The following SLX4IP variants were observed in gnomAD, a reference collection of about 807,000 sequenced individuals.
SLX4IP encodes the protein SLX4 interacting protein.
SLX4IP carries 34 observed loss-of-function variants against 32.9 expected under a neutral mutation model. That is an observed-to-expected ratio of 1.03 (90% CI 0.79 to 1.38). The LOEUF is 1.38. Among genes scored for constraint, SLX4IP ranks in the 40% most tolerant of loss-of-function variants. The pLI, the probability that SLX4IP is intolerant of heterozygous loss-of-function variation, is 0.00. For missense variants in SLX4IP, 444 were observed against 479.0 expected (o/e 0.93, Z 0.68); for synonymous variants, 172 against 171.7 (o/e 1.00, Z -0.01).
chr20:10,550,108 T>G (rs1257611389), intron 2 of SLX4IP, among the ~76,000 whole-genome samples: 1 of 152,192 alleles, frequency 6.6e-6, no homozygotes, highest in African/African-American at 2.4e-5. Context: ...ATTGGTGCTG[T>G]ATTTTTCACA....
intron 2 of SLX4IP, among the ~76,000 whole-genome samples, chr20:10,512,564 T>A (rs956926206): frequency 1.4e-5 from 2 of 144,314 alleles, no homozygotes; most frequent in African/African-American, 5.0e-5. Flanking sequence ...CTGTCTAATT[T>A]TATATATATA....
intron 2 of SLX4IP, among the ~76,000 whole-genome samples, chr20:10,461,929 C>A (rs936710148): frequency 6.6e-6 from 1 of 152,120 alleles, no homozygotes; most frequent in Admixed American, 6.5e-5. Flanking sequence ...AGGCATGCAC[C>A]ACCACTCTCG....
intron 2 of SLX4IP, among the ~76,000 whole-genome samples, chr20:10,525,489 T>C (rs1293733478): frequency 1.3e-5 from 2 of 152,200 alleles, no homozygotes; most frequent in African/African-American, 4.8e-5. Flanking sequence ...ATTATAATTA[T>C]ATAAGTATTT....
chr20:10,594,207 G>T (rs2066744215), intron 4 of SLX4IP, among the ~76,000 whole-genome samples: 1 of 152,310 alleles, frequency 6.6e-6, no homozygotes, highest in South Asian at 2.1e-4. Flanking sequence ...TGTTTGAAAT[G>T]TTTCAGACTG....
intron 4 of SLX4IP, among the ~76,000 whole-genome samples, chr20:10,566,217 A>G (rs1382141956): frequency 2.0e-5 from 3 of 146,784 alleles, no homozygotes; most frequent in Admixed American, 2.0e-4. Context: ...TCCTGCCTTG[A>G]TGAGATTGCC....
intron 2 of SLX4IP, among the ~76,000 whole-genome samples, chr20:10,486,252 A>G (rs547389093): frequency 5.9e-4 from 90 of 151,872 alleles, no homozygotes; most frequent in African/African-American, 2.2e-3. Flanking sequence ...TTTATTTGAA[A>G]CATTCAGGCT....
rs1365316216 is a variant in SLX4IP, at chr20:10,626,578, T to C, written c.*3199T>C. ...CACTTCCATGTGCTTTCAGATGGCA[T>C]CTTAATAGATTGGTGTTGAGGTTAT... is the stretch of plus-strand genomic sequence containing the variant. On this transcript the variant is annotated 3_prime_UTR_variant, in exon 8 of 8. Transcript: ENST00000334534. 6.6e-6 allele frequency: 1 copy of C among 152,210 alleles called. No individual in the cohort carries two copies. The highest frequency in any genetic ancestry group is 2.4e-5 in the African/African-American group (1 of 41,450). The allele number at this position is 152,210 out of a possible 1,614,324, so 9.4% of individuals were successfully genotyped here. A position where few individuals can be genotyped will look rare whatever the true frequency, so the allele number is the denominator to read the frequency against.
intron 1 of SLX4IP, among the ~76,000 whole-genome samples, chr20:10,437,148 C>G (rs1020237608): frequency 8.6e-5 from 13 of 151,942 alleles, no homozygotes; most frequent in Non-Finnish European, 1.9e-4. Flanking sequence ...TTTTTTGAGA[C>G]AGGGTATAAC....
At chr20:10,617,258 C>A (rs1050148337) in intron 6 of SLX4IP, among the ~76,000 whole-genome samples, 1 of 152,194 alleles carries the variant, frequency 6.6e-6, no homozygotes, top group African/African-American at 2.4e-5. Context: ...GTTTTTGAAT[C>A]ACCTGGGAAC....
At chr20:10,613,735 T>C in intron 6 of SLX4IP, 3 of 1,613,342 alleles carry the variant, frequency 1.9e-6, no homozygotes, top group Non-Finnish European at 2.5e-6. Context: ...TGCTGAATGA[T>C]ATTCCTTATC....
chr20:10,451,027 C>T (rs562027022), intron 1 of SLX4IP, among the ~76,000 whole-genome samples: 26 of 152,236 alleles, frequency 1.7e-4, no homozygotes, highest in African/African-American at 5.5e-4. Flanking sequence ...GCTGGGATTA[C>T]AGGCGTGAGC....
At chr20:10,535,518 C>T (rs938115345) in intron 2 of SLX4IP, among the ~76,000 whole-genome samples, 2 of 152,182 alleles carry the variant, frequency 1.3e-5, no homozygotes, top group African/African-American at 4.8e-5. Flanking sequence ...GATGGGGTTT[C>T]GCCGTGTTGG....
intron 1 of SLX4IP, among the ~76,000 whole-genome samples, chr20:10,452,680 A>AATATATATATATAT (rs1280513421): frequency 9.1e-6 from 1 of 109,518 alleles, no homozygotes; most frequent in African/African-American, 3.5e-5. Flanking sequence ...AAAAAAAAAA[A>AATATATATATATAT]ATATATATAT....
At chr20:10,507,789 C>T (rs2065771741) in intron 2 of SLX4IP, among the ~76,000 whole-genome samples, 2 of 151,590 alleles carry the variant, frequency 1.3e-5, no homozygotes, top group South Asian at 4.2e-4. Flanking sequence ...CACTTTATGC[C>T]AACCACCCAG....
chr20:10,592,300 A>G (rs1398562490), intron 4 of SLX4IP, among the ~76,000 whole-genome samples: 1 of 151,822 alleles, frequency 6.6e-6, no homozygotes, highest in Non-Finnish European at 1.5e-5. Context: ...TAAACTTGGG[A>G]CAGGACTCTT....
intron 2 of SLX4IP, among the ~76,000 whole-genome samples, chr20:10,512,836 T>C (rs1306809608): frequency 9.0e-6 from 1 of 111,370 alleles, no homozygotes; most frequent in East Asian, 2.7e-4. Flanking sequence ...GTTGTTGTTA[T>C]TGCCTAGGCT....
chr20:10,444,915 G>A (rs1406720199), intron 1 of SLX4IP, among the ~76,000 whole-genome samples: 2 of 152,120 alleles, frequency 1.3e-5, no homozygotes, highest in African/African-American at 4.8e-5. Context: ...GCACCATGTT[G>A]TGATTTTTCC....
intron 1 of SLX4IP, among the ~76,000 whole-genome samples, chr20:10,443,732 C>G (rs1244960970): frequency 6.6e-6 from 1 of 152,112 alleles, no homozygotes; most frequent in African/African-American, 2.4e-5. Flanking sequence ...AATTGTAACC[C>G]CCAGTGTTGG....
At chr20:10,622,072 G>A (rs547930551) in intron 7 of SLX4IP, among the ~76,000 whole-genome samples, 7 of 152,292 alleles carry the variant, frequency 4.6e-5, no homozygotes, top group African/African-American at 1.7e-4. Flanking sequence ...TTCCACGATT[G>A]TATTTTATTG....
Sources: allele counts gnomAD v4.1 joint callset (sites outside exome capture counted in the v4.1 genomes callset), GRCh38; gene constraint gnomAD v4.1.1; transcripts MANE v1.5; gene names NCBI Gene and HGNC (gene_info 2026-07-23, HGNC 2026-07-21).